Variants in LUZP2 observed in about 807,000 individuals in gnomAD.
LUZP2 encodes leucine zipper protein 2.
Under a neutral mutation model 51.6 loss-of-function variants are expected in LUZP2, and 52 were observed. That is an observed-to-expected ratio of 1.01 (90% CI 0.81 to 1.27). The LOEUF is 1.27. Ranked by LOEUF, LUZP2 falls within the 50% of genes most tolerant of loss-of-function variation. The probability of loss-of-function intolerance (pLI) is 0.00; values close to 1 mark genes in which losing one functional copy is unlikely to be tolerated. For missense variants in LUZP2, 436 were observed against 395.4 expected (o/e 1.10, Z -0.87); for synonymous variants, 154 against 137.3 (o/e 1.12, Z -0.85).
chr11:24,677,848 T>G (rs1253181386), intron 1 of LUZP2, among the ~76,000 whole-genome samples: 3 of 151,712 alleles, frequency 2.0e-5, no homozygotes, highest in Non-Finnish European at 4.4e-5. Context: ...AGGAGATCGA[T>G]ACCATGATGA....
chr11:24,897,520 C>T (rs1236417126), intron 5 of LUZP2, among the ~76,000 whole-genome samples: 2 of 151,984 alleles, frequency 1.3e-5, no homozygotes, highest in Admixed American at 1.3e-4. Context: ...CGAGGCGCTG[C>T]ATTAAGAGCT....
intron 1 of LUZP2, among the ~76,000 whole-genome samples, chr11:24,497,677 T>C (rs1419640149): frequency 6.6e-6 from 1 of 152,188 alleles, no homozygotes; most frequent in South Asian, 2.1e-4. Context: ...TGTCTTTACA[T>C]TGGAGTTGTC....
intron 7 of LUZP2, among the ~76,000 whole-genome samples, chr11:24,953,677 A>G (rs1855138026): frequency 6.6e-6 from 1 of 152,170 alleles, no homozygotes; most frequent in Admixed American, 6.6e-5. Context: ...CAGAAACAAA[A>G]AAAGTGCTTT....
chr11:24,502,082 T>A (rs576625375), intron 1 of LUZP2, among the ~76,000 whole-genome samples: 10 of 152,312 alleles, frequency 6.6e-5, no homozygotes, highest in African/African-American at 2.4e-4. Context: ...AGCCTTCAAT[T>A]GTAAGGACTG....
chr11:24,532,899 C>G (rs1033389074), intron 1 of LUZP2, among the ~76,000 whole-genome samples: 4 of 151,080 alleles, frequency 2.6e-5, no homozygotes, highest in African/African-American at 7.3e-5. Context: ...TAACATCAGA[C>G]AAATTTTGAT....
intron 1 of LUZP2, among the ~76,000 whole-genome samples, chr11:24,538,319 A>T (rs1416612013): frequency 6.6e-6 from 1 of 151,796 alleles, no homozygotes; most frequent in Non-Finnish European, 1.5e-5. Flanking sequence ...TCCAAATGTT[A>T]ATAGGCATAA....
At chr11:24,705,583 G>T (rs1256124354) in intron 1 of LUZP2, among the ~76,000 whole-genome samples, 1 of 152,124 alleles carries the variant, frequency 6.6e-6, no homozygotes, top group African/African-American at 2.4e-5. Flanking sequence ...TAGCAATTTG[G>T]TGGCAGAAGA....
intron 5 of LUZP2, among the ~76,000 whole-genome samples, chr11:24,898,617 T>C (rs1435561712): frequency 7.2e-6 from 1 of 139,158 alleles, no homozygotes; most frequent in Non-Finnish European, 1.5e-5. Context: ...AGCAAGACTC[T>C]GTGTCAGGAA....
intron 9 of LUZP2, among the ~76,000 whole-genome samples, chr11:24,998,825 T>C (rs566833921): frequency 9.2e-5 from 14 of 152,272 alleles, no homozygotes; most frequent in Middle Eastern, 3.4e-3. Context: ...TTTTTTTGTT[T>C]TTGGTTTCTT....
chr11:24,778,423 T>TAAAC (rs375197625), intron 5 of LUZP2, among the ~76,000 whole-genome samples: 10,817 of 151,206 alleles, frequency 0.072, 919 homozygotes, highest in African/African-American at 0.21. Context: ...AAAAAATGAA[T>TAAAC]AAACAAACAA....
chr11:24,807,057 C>T (rs73426004), intron 5 of LUZP2, among the ~76,000 whole-genome samples: 2,413 of 142,568 alleles, frequency 0.017, 72 homozygotes, highest in African/African-American at 0.059. Flanking sequence ...GAGATACGGT[C>T]TAGATACTTT....
chr11:24,926,944 T>C (rs1405713006), intron 7 of LUZP2, among the ~76,000 whole-genome samples: 1 of 151,886 alleles, frequency 6.6e-6, no homozygotes, highest in African/African-American at 2.4e-5. Flanking sequence ...CTTGCAGGAA[T>C]AAAGTAGTAT....
intron 7 of LUZP2, among the ~76,000 whole-genome samples, chr11:24,940,425 G>A (rs943653662): frequency 2.0e-5 from 3 of 152,112 alleles, no homozygotes; most frequent in Non-Finnish European, 2.9e-5. Flanking sequence ...CCATATAAAA[G>A]GCAGGAAGGT....
At chr11:25,002,249 G>A (rs1406029859) in intron 9 of LUZP2, among the ~76,000 whole-genome samples, 1 of 152,176 alleles carries the variant, frequency 6.6e-6, no homozygotes, top group East Asian at 1.9e-4. Flanking sequence ...GGCATAACCT[G>A]CTCTTCATAT....
chr11:24,518,918 A>T (rs2133795188), intron 1 of LUZP2, among the ~76,000 whole-genome samples: 1 of 152,306 alleles, frequency 6.6e-6, no homozygotes, highest in Admixed American at 6.5e-5. Flanking sequence ...GTGCTGATTG[A>T]TTCACAGAGC....
intron 7 of LUZP2, among the ~76,000 whole-genome samples, chr11:24,960,662 G>A (rs533996013): frequency 1.6e-4 from 25 of 151,864 alleles, no homozygotes; most frequent in African/African-American, 4.1e-4. Context: ...TCTTGCTAGC[G>A]GTCTATCAAT....
At chr11:24,818,603 A>G (rs1002104627) in intron 5 of LUZP2, among the ~76,000 whole-genome samples, 3 of 152,222 alleles carry the variant, frequency 2.0e-5, no homozygotes, top group Non-Finnish European at 4.4e-5. Flanking sequence ...TGCAGAAATT[A>G]TATGAAAAAT....
chr11:24,897,571 C>T (rs1463036484), intron 5 of LUZP2, among the ~76,000 whole-genome samples: 3 of 152,034 alleles, frequency 2.0e-5, no homozygotes, highest in African/African-American at 7.2e-5. Flanking sequence ...ACTCCTGAAG[C>T]CAGGGAGACC....
intron 5 of LUZP2, among the ~76,000 whole-genome samples, chr11:24,790,273 A>G (rs1849371263): frequency 1.3e-5 from 2 of 152,088 alleles, no homozygotes; most frequent in Admixed American, 6.6e-5. Context: ...ATTGAATGTG[A>G]ATTTGAAAAA....
Sources: allele counts gnomAD v4.1 joint callset (sites outside exome capture counted in the v4.1 genomes callset), GRCh38; gene constraint gnomAD v4.1.1; transcripts MANE v1.5; gene names NCBI Gene and HGNC (gene_info 2026-07-23, HGNC 2026-07-21).